CCDC171: variants seen among roughly 807,000 people sequenced by gnomAD.
The protein encoded by CCDC171 is coiled-coil domain-containing protein 171.
Under a neutral mutation model 168.2 loss-of-function variants are expected in CCDC171, and 177 were observed. The observed-to-expected ratio is 1.05, with a 90% CI of 0.93 to 1.19. The LOEUF is 1.19. CCDC171 is among the 50% of genes most tolerant of loss of function. The probability of loss-of-function intolerance (pLI) is 0.00; values close to 1 mark genes in which losing one functional copy is unlikely to be tolerated. For synonymous variants in CCDC171, 687 were observed against 540.8 expected, an observed-to-expected ratio of 1.27 and a Z score of -3.75; for missense variants, 1,991 against 1,539.0, an observed-to-expected ratio of 1.29 and a Z score of -4.91.
intron 21 of CCDC171, among the ~76,000 whole-genome samples, chr9:15,786,649 G>C (rs2057973043): frequency 6.6e-6 from 1 of 152,148 alleles, no homozygotes; most frequent in Non-Finnish European, 1.5e-5. Flanking sequence ...TATATGTCCA[G>C]ATGGCCTATA....
intron 24 of CCDC171, among the ~76,000 whole-genome samples, chr9:15,888,347 G>A (rs1819711137): frequency 6.6e-6 from 1 of 151,684 alleles, no homozygotes; most frequent in Admixed American, 6.6e-5. Flanking sequence ...AAAATAAAAT[G>A]TTCAACAACT....
chr9:16,038,897 T>C (rs1302507306), upstream of CCDC171, among the ~76,000 whole-genome samples: 1 of 148,364 alleles, frequency 6.7e-6, no homozygotes, highest in Non-Finnish European at 1.5e-5. Context: ...TGAATATAGT[T>C]ACACTTATGC....
At chr9:15,776,794 A>G (rs902652055) in intron 18 of CCDC171, among the ~76,000 whole-genome samples, 19 of 152,214 alleles carry the variant, frequency 1.2e-4, no homozygotes, top group African/African-American at 3.9e-4. Context: ...TTTTGTGCTT[A>G]TGATGTAAAG....
intron 4 of CCDC171, chr9:15,587,650 G>C (rs1458121850): frequency 2.2e-6 from 1 of 456,578 alleles, no homozygotes; most frequent in Non-Finnish European, 4.4e-6. Context: ...CTCCAGCGAA[G>C]ACTAAAGTTG....
chr9:15,572,936 A>G (rs1458116607), intron 3 of CCDC171, among the ~76,000 whole-genome samples: 2 of 152,192 alleles, frequency 1.3e-5, no homozygotes, highest in Admixed American at 1.3e-4. Context: ...AGGTGGGTGG[A>G]TCACTTGAAG....
rs116079257 is a variant in CCDC171 at position 15,594,388 on chromosome 9, T to C, written c.675+216T>C. Among the ~76,000 whole-genome samples, 1,044 of 152,208 alleles carry C rather than the reference T, an allele frequency of 6.9e-3. 8 individuals carry two copies. The highest frequency in any genetic ancestry group is 0.024 in the African/African-American group (1,011 of 41,556). On this transcript the variant is annotated intron_variant, in intron 6 of 25. Coordinates refer to ENST00000380701, the MANE Select transcript of CCDC171 (RefSeq NM_173550.4). Reference sequence around the variant, plus strand: ...GTTCAGTGATTTCCATTGCATACCTTATGTGATTTTTAAGAAGGATGTATA... The same window carrying C: ...GTTCAGTGATTTCCATTGCATACCTCATGTGATTTTTAAGAAGGATGTATA...
intron 11 of CCDC171, among the ~76,000 whole-genome samples, chr9:15,715,110 G>A (rs1009886762): frequency 6.6e-6 from 1 of 152,156 alleles, no homozygotes; most frequent in African/African-American, 2.4e-5. Context: ...TAGCCACATG[G>A]AGCTTATCAA....
At chr9:15,825,618 C>T (rs1047307381) in intron 21 of CCDC171, among the ~76,000 whole-genome samples, 1 of 151,966 alleles carries the variant, frequency 6.6e-6, no homozygotes, top group African/African-American at 2.4e-5. Context: ...TCAGGATTGC[C>T]CAACTTCATT....
At chr9:15,944,125 A>G (rs1232612289) in intron 25 of CCDC171, among the ~76,000 whole-genome samples, 2 of 152,142 alleles carry the variant, frequency 1.3e-5, no homozygotes, top group African/African-American at 2.4e-5. Flanking sequence ...ATACCCTTAC[A>G]GGTTTTTTTG....
intron 25 of CCDC171, among the ~76,000 whole-genome samples, chr9:15,931,599 T>G (rs758515498): frequency 1.4e-4 from 22 of 151,760 alleles, no homozygotes; most frequent in Admixed American, 3.3e-4. Flanking sequence ...TCATTTCCTT[T>G]GCTGTGCAAA....
At position 15,623,352 on chromosome 9, in the gene CCDC171, G is replaced by A. The variant is rs569754263; in HGVS notation, c.761G>A (p.Arg254Gln). ...ATGGACTGCTCTGACCTTTTACGGC[G>A]ACAAACAAGTGAACTTGAATTTAGC... ...EHMDCSDLLRRQTSELEFSTQ... is the reference protein window; with the variant it reads ...EHMDCSDLLRQQTSELEFSTQ... Residue 254 changes from arginine (R) to glutamine (Q), a missense_variant, in exon 7 of 26, where the codon CGA becomes CAA. By Grantham distance (43) the Arg-to-Gln change is conservative. Coordinates refer to ENST00000380701, the MANE Select transcript of CCDC171 (RefSeq NM_173550.4). 11 of 1,611,764 alleles carry A rather than the reference G, an allele frequency of 6.8e-6. No homozygotes were observed. The highest frequency in any genetic ancestry group is 5.5e-5 in the South Asian group (5 of 90,654).
rs764680927 is a variant in CCDC171, at chr9:15,729,704, A to G, written c.1955A>G (p.Gln652Arg). 1.2e-6 allele frequency: 2 copies of G among 1,613,588 alleles called. No individual in the cohort carries two copies. Among genetic ancestry groups the G allele is most frequent in the South Asian group, 2.2e-5 (2 of 91,052 alleles). ...GACACCTTTACCAAAGTGGCAGAAC[A>G]GATCAAAGCCCAAGAGAGCTGCTGG... The part of the protein sequence containing the change: ...QEDTFTKVAE[Q>R]IKAQESCWHR... The change falls in exon 16 of 26, where the codon CAG (glutamine) becomes CGG (arginine). Residue 652 changes from glutamine to arginine, a missense_variant. Physicochemically the swap from Gln to Arg is conservative, Grantham distance 43 (BLOSUM62 1). Transcript: ENST00000380701.
At chr9:16,086,132 T>G in the CCDC171 span, among the ~76,000 whole-genome samples, 7 of 152,318 alleles carry the variant, frequency 4.6e-5, no homozygotes, top group East Asian at 1.4e-3. Context: ...ATTTTAGAGC[T>G]TGTTACTGGT....
chr9:15,625,391 C>A (rs1360720018), intron 7 of CCDC171, among the ~76,000 whole-genome samples: 1 of 152,172 alleles, frequency 6.6e-6, no homozygotes, highest in Admixed American at 6.5e-5. Context: ...AGTCCTTCCC[C>A]ATGCCTATGT....
At chr9:15,636,956 C>G (rs2046246624) in intron 7 of CCDC171, among the ~76,000 whole-genome samples, 1 of 150,944 alleles carries the variant, frequency 6.6e-6, no homozygotes, top group Non-Finnish European at 1.5e-5. Flanking sequence ...GCAGTTTTGA[C>G]TCAGTTAAGA....
chr9:15,621,576 G>T (rs544129070), intron 6 of CCDC171, among the ~76,000 whole-genome samples: 1 of 152,200 alleles, frequency 6.6e-6, no homozygotes, highest in East Asian at 1.9e-4. Flanking sequence ...TAAGAATAAG[G>T]AATTGGAATC....
intron 21 of CCDC171, among the ~76,000 whole-genome samples, chr9:15,841,421 AG>A: frequency 6.6e-6 from 1 of 152,020 alleles, no homozygotes; most frequent in East Asian, 1.9e-4. Context: ...TACAGTTTAT[AG>A]GATACCTTAA....
At chr9:15,975,369 A>G (rs1303741176), downstream of CCDC171, among the ~76,000 whole-genome samples, 1 of 152,210 alleles carries the variant, frequency 6.6e-6, no homozygotes, top group Non-Finnish European at 1.5e-5. Context: ...CACTTTTTAA[A>G]GAGAAAAAAA....
intron 1 of CCDC171, among the ~76,000 whole-genome samples, chr9:15,557,102 A>C (rs201753109): frequency 1.3e-5 from 2 of 151,958 alleles, no homozygotes; most frequent in African/African-American, 2.4e-5. Context: ...TGGTCTATAT[A>C]TCTGTTTTGT....
Sources: gnomAD v4.1 joint callset for allele counts (sites outside exome capture counted in the v4.1 genomes callset) on GRCh38, gnomAD v4.1.1 for gene constraint, MANE v1.5 for transcripts, NCBI Gene and HGNC (gene_info 2026-07-23, HGNC 2026-07-21) for gene names.